MYLK4: variants seen among roughly 807,000 people sequenced by gnomAD.
MYLK4 encodes the protein myosin light chain kinase family member 4, also known as caMLCK like.
Under a neutral mutation model 48.1 loss-of-function variants are expected in MYLK4, and 46 were observed. The observed-to-expected ratio is 0.96, with a 90% confidence interval of 0.75 to 1.22. The LOEUF (loss-of-function observed/expected upper bound fraction) is 1.22. Ranked by LOEUF, MYLK4 falls within the 50% of genes most tolerant of loss-of-function variation. The pLI, the probability that MYLK4 is intolerant of heterozygous loss-of-function variation, is 0.00. For missense variants in MYLK4, 451 were observed against 486.1 expected, an observed-to-expected ratio of 0.93 and a Z score of 0.68; for synonymous variants, 170 against 180.8, an observed-to-expected ratio of 0.94 and a Z score of 0.48.
chr6:2,737,868 G>A (rs1287730421), intron 2 of MYLK4, among the ~76,000 whole-genome samples: 6 of 150,002 alleles, frequency 4.0e-5, no homozygotes, highest in African/African-American at 1.5e-4. Flanking sequence ...AGCTACATTA[G>A]TAGTAAGAGT....
chr6:2,707,891 A>G lies in MYLK4; in HGVS notation c.160-15032T>C, dbSNP rs192058167. 4.6e-5 allele frequency among the ~76,000 whole-genome samples: 7 copies of G among 152,298 alleles called. No individual in the cohort carries two copies. In the East Asian group the frequency reaches 7.7e-4, roughly 17 times the overall value. On this transcript the variant is annotated intron_variant, in intron 2 of 12. Coordinates refer to ENST00000274643, the MANE Select transcript of MYLK4 (RefSeq NM_001012418.5). ...AACTAAGACTAGTTTGTTATAAAAT[A>G]TGGATATGTATTTTTAGTGAAATAG...
chr6:2,759,633 AG>A, the MYLK4 span, among the ~76,000 whole-genome samples: 4 of 152,342 alleles, frequency 2.6e-5, no homozygotes, highest in South Asian at 8.3e-4. Context: ...CTAAATAAAT[AG>A]ATGTTCATTT....
chr6:2,683,391 T>TTG (rs67359849), intron 6 of MYLK4, among the ~76,000 whole-genome samples: 21,472 of 126,378 alleles, frequency 0.17, 2,214 homozygotes, highest in South Asian at 0.22. Context: ...CCCCACCTTT[T>TTG]TGTGTGTGTG....
At chr6:2,738,255 T>C (rs1763769749) in intron 2 of MYLK4, among the ~76,000 whole-genome samples, 1 of 152,222 alleles carries the variant, frequency 6.6e-6, no homozygotes, top group Non-Finnish European at 1.5e-5. Flanking sequence ...CTTCCTGATC[T>C]ATCTTTAGTG....
chr6:2,758,942 A>G, the MYLK4 span, among the ~76,000 whole-genome samples: 1 of 152,206 alleles, frequency 6.6e-6, no homozygotes, highest in African/African-American at 2.4e-5. Flanking sequence ...GCACACATGA[A>G]GTACACACAC....
At position 2,698,352 on chromosome 6, in the gene MYLK4, T is replaced by G. The variant is rs138079774; in HGVS notation, c.160-5493A>C. Among the ~76,000 whole-genome samples, 254 of 152,330 alleles carry G rather than the reference T, an allele frequency of 1.7e-3. 1 individual carries two copies. The highest frequency in any genetic ancestry group is 5.7e-3 in the African/African-American group (239 of 41,566). On this transcript the variant is annotated intron_variant, in intron 2 of 12. Transcript: ENST00000274643. ...TCTGAACGTATCACCCACATGGCCT[T>G]TCTACAACAAGGGGGTTATCAGGAT...
chr6:2,727,855 G>T (rs1361487017), intron 2 of MYLK4, among the ~76,000 whole-genome samples: 2 of 151,368 alleles, frequency 1.3e-5, no homozygotes, highest in Admixed American at 1.3e-4. Context: ...GCTGAGGCAG[G>T]AGAATCGCTT....
At chr6:2,725,851 C>T (rs533178455) in intron 2 of MYLK4, among the ~76,000 whole-genome samples, 6 of 152,186 alleles carry the variant, frequency 3.9e-5, no homozygotes, top group South Asian at 2.1e-4. Context: ...TGGAGGGACA[C>T]GTGAGTGCCT....
rs1561836770 is a variant in MYLK4 at position 2,683,390 on chromosome 6, T to TG, written c.546-229_546-228insC. On this transcript the variant is annotated intron_variant, in intron 6 of 12. Coordinates refer to ENST00000274643, the MANE Select transcript of MYLK4 (RefSeq NM_001012418.5). ...AATCCTCAAGCCAACTCCCCACCTT[T>TG]TTGTGTGTGTGTGTGTGTGTGTGTG... Among the ~76,000 whole-genome samples, 307 of 129,296 alleles carry TG rather than the reference T, an allele frequency of 2.4e-3. 1 individual carries two copies. The highest frequency in any genetic ancestry group is 7.4e-3 in the African/African-American group (254 of 34,164). 84.8% of individuals were successfully genotyped at this position (129,296 alleles called of 152,430 possible). A position where few individuals can be genotyped will look rare whatever the true frequency, so the allele number is the denominator to read the frequency against.
At chr6:2,747,314 T>A (rs1488814386) in intron 2 of MYLK4, among the ~76,000 whole-genome samples, 1 of 152,146 alleles carries the variant, frequency 6.6e-6, no homozygotes, top group Non-Finnish European at 1.5e-5. Context: ...CATCCCTACA[T>A]ATATTTATGT....
At chr6:2,728,696 G>A (rs1213466224) in intron 2 of MYLK4, among the ~76,000 whole-genome samples, 1 of 152,220 alleles carries the variant, frequency 6.6e-6, no homozygotes, top group Non-Finnish European at 1.5e-5. Flanking sequence ...CTGTCCTTCT[G>A]TCCTAGTTAT....
At chr6:2,753,662 A>T (rs1198943545), upstream of MYLK4, among the ~76,000 whole-genome samples, 1 of 86,026 alleles carries the variant, frequency 1.2e-5, no homozygotes, top group Non-Finnish European at 2.4e-5. Context: ...TGCATCTAGC[A>T]TATACAACTT....
Position 2,678,798 on chromosome 6 carries a change from C to A in MYLK4, c.888-426G>T, listed in dbSNP as rs1036815806. Among the ~76,000 whole-genome samples the A allele has an allele frequency of 3.3e-5, 5 of 151,562 alleles. No homozygotes were observed. In the East Asian group the frequency reaches 9.8e-4, roughly 30 times the overall value. Reference sequence around the variant, plus strand: ...TGATCTCGTTTCACTGCAACCTCCACCTCCTGGAAGCAATTCTCCTGCAGC... The same window carrying A: ...TGATCTCGTTTCACTGCAACCTCCAACTCCTGGAAGCAATTCTCCTGCAGC... On this transcript the variant is annotated intron_variant, in intron 9 of 12. Coordinates refer to ENST00000274643, the MANE Select transcript of MYLK4 (RefSeq NM_001012418.5).
rs1340317466 is a variant in MYLK4 at position 2,667,183 on chromosome 6, GT to G, written c.*741del. The G allele has an allele frequency of 6.6e-6, 1 of 152,224 alleles. No individual in the cohort carries two copies. The highest frequency in any genetic ancestry group is 1.5e-5 in the Non-Finnish European group (1 of 68,048). The allele number at this position is 152,224 out of a possible 1,614,324, so 9.4% of individuals were successfully genotyped here. A position where few individuals can be genotyped will look rare whatever the true frequency, so the allele number is the denominator to read the frequency against. ...TTGCATCACCTCTCAAAACCAATGT[GT>G]TTTGTGGGGATGAACTGTCAGTCAG... On this transcript the variant is annotated 3_prime_UTR_variant, in exon 13 of 13. Coordinates refer to ENST00000274643, the MANE Select transcript of MYLK4 (RefSeq NM_001012418.5).
chr6:2,693,973 G>A (rs1306358674), intron 2 of MYLK4, among the ~76,000 whole-genome samples: 1 of 152,048 alleles, frequency 6.6e-6, no homozygotes, highest in East Asian at 1.9e-4. Context: ...TTGCCAGACT[G>A]GTCTTGGACT....
the MYLK4 span, chr6:2,768,684 T>C: frequency 3.8e-6 from 6 of 1,598,104 alleles, no homozygotes; most frequent in Non-Finnish European, 5.1e-6. Flanking sequence ...TATGTCATCT[T>C]TTCTAGACCA....
At chr6:2,687,526 C>G (rs1449809596) in intron 4 of MYLK4, among the ~76,000 whole-genome samples, 1 of 152,224 alleles carries the variant, frequency 6.6e-6, no homozygotes, top group Non-Finnish European at 1.5e-5. Flanking sequence ...CTGCAAATAA[C>G]TATTCTCGGT....
chr6:2,675,915 AC>A (rs1449322081), intron 10 of MYLK4, among the ~76,000 whole-genome samples: 5 of 152,056 alleles, frequency 3.3e-5, no homozygotes, highest in Admixed American at 2.0e-4. Flanking sequence ...AAATAGTGAA[AC>A]CCCGTCTCTA....
At chr6:2,729,853 G>C (rs1056282490) in intron 2 of MYLK4, among the ~76,000 whole-genome samples, 1 of 152,120 alleles carries the variant, frequency 6.6e-6, no homozygotes, top group Non-Finnish European at 1.5e-5. Flanking sequence ...AAGCAAGAAG[G>C]GTGGCTGGAG....
Sources: gnomAD v4.1 joint callset for allele counts (sites outside exome capture counted in the v4.1 genomes callset) on GRCh38, gnomAD v4.1.1 for gene constraint, MANE v1.5 for transcripts, NCBI Gene and HGNC (gene_info 2026-07-23, HGNC 2026-07-21) for gene names.